Variants in COL24A1 observed in about 807,000 individuals in gnomAD.
COL24A1 encodes the protein collagen alpha-1(XXIV) chain.
Under a neutral mutation model 253.9 loss-of-function variants are expected in COL24A1, and 224 were observed. That is an observed-to-expected ratio of 0.88 (90% CI 0.79 to 0.99). The LOEUF (loss-of-function observed/expected upper bound fraction) is 0.99. Among genes scored for constraint, COL24A1 ranks in the 50% least tolerant of loss-of-function variants. The probability of loss-of-function intolerance (pLI) is 0.00; values close to 1 mark genes in which losing one functional copy is unlikely to be tolerated. For missense variants in COL24A1, 2,131 were observed against 2,068.5 expected (o/e 1.03, Z -0.59); for synonymous variants, 685 against 673.7 (o/e 1.02, Z -0.26).
intron 1 of COL24A1, among the ~76,000 whole-genome samples, chr1:86,152,020 G>T (rs1652843264): frequency 6.6e-6 from 1 of 152,172 alleles, no homozygotes; most frequent in South Asian, 2.1e-4. Flanking sequence ...CAGCTTTACA[G>T]ATTTTGCTCT....
Position 85,863,975 on chromosome 1 carries a change from T to C in COL24A1, c.3300+4544A>G, listed in dbSNP as rs143481854. On this transcript the variant is annotated intron_variant, in intron 37 of 59. Coordinates refer to ENST00000370571, the MANE Select transcript of COL24A1 (RefSeq NM_152890.7). ...GTGGGACTGTAACCTAGTTCAACAATTGTGGAAATCAGTGTGGCGATTCCT... is the reference window on the plus strand; with the variant it reads ...GTGGGACTGTAACCTAGTTCAACAACTGTGGAAATCAGTGTGGCGATTCCT... 6.1e-4 allele frequency among the ~76,000 whole-genome samples: 93 copies of C among 152,300 alleles called. No homozygotes were observed. In the East Asian group the frequency reaches 0.016, roughly 27 times the overall value.
rs1232944160 is a variant in COL24A1, at chr1:85,813,652, G to A, written c.3951+3136C>T. ...TGCAAGCTCCGCCTCCCGGGTTCACGCCATTCTCCTGCCTCAGCCTCCCAA... is the reference window on the plus strand; with the variant it reads ...TGCAAGCTCCGCCTCCCGGGTTCACACCATTCTCCTGCCTCAGCCTCCCAA... On this transcript the variant is annotated intron_variant, in intron 47 of 59. Coordinates refer to ENST00000370571, the MANE Select transcript of COL24A1 (RefSeq NM_152890.7). Among the ~76,000 whole-genome samples, 4 of 136,728 alleles carry A rather than the reference G, an allele frequency of 2.9e-5. No individual in the cohort carries two copies. The East Asian group carries it at 7.2e-4, about 25-fold the overall frequency. The allele number at this position is 136,728 out of a possible 152,430, so 89.7% of individuals were successfully genotyped here.
chr1:85,948,299 C>T (rs965031064), intron 24 of COL24A1, among the ~76,000 whole-genome samples: 11 of 151,554 alleles, frequency 7.3e-5, no homozygotes, highest in South Asian at 2.1e-4. Flanking sequence ...CCGAGGCGGG[C>T]GGATCACGAG....
chr1:85,819,826 AC>A (rs1315876261), intron 45 of COL24A1, among the ~76,000 whole-genome samples: 1 of 145,734 alleles, frequency 6.9e-6, no homozygotes, highest in African/African-American at 2.5e-5. Context: ...CCCTCATCCT[AC>A]CCTTGAGTCT....
chr1:86,043,880 T>C (rs533450890), intron 12 of COL24A1, among the ~76,000 whole-genome samples: 46 of 152,320 alleles, frequency 3.0e-4, no homozygotes, highest in African/African-American at 9.9e-4. Context: ...TTTTGACTTA[T>C]GCAAAACCAA....
chr1:85,983,631 A>G (rs1693451744), intron 20 of COL24A1, among the ~76,000 whole-genome samples: 1 of 151,860 alleles, frequency 6.6e-6, no homozygotes, highest in South Asian at 2.1e-4. Flanking sequence ...AGTTTTTATC[A>G]TTCCCATTTG....
chr1:85,995,433 G>T (rs967283365), intron 19 of COL24A1, among the ~76,000 whole-genome samples: 3 of 152,094 alleles, frequency 2.0e-5, no homozygotes, highest in African/African-American at 7.2e-5. Context: ...TACAAAGTTA[G>T]CTGGAAAGTC....
At chr1:85,757,940 A>T (rs1486672756) in intron 55 of COL24A1, among the ~76,000 whole-genome samples, 3 of 152,180 alleles carry the variant, frequency 2.0e-5, no homozygotes, top group Non-Finnish European at 2.9e-5. Context: ...GAAATCACTC[A>T]ATATTTACAA....
chr1:85,948,741 C>T (rs987459271), intron 24 of COL24A1, among the ~76,000 whole-genome samples: 1 of 151,412 alleles, frequency 6.6e-6, no homozygotes, highest in Non-Finnish European at 1.5e-5. Flanking sequence ...CATCCTGATA[C>T]CAAAACCTGG....
At chr1:85,868,660 A>G (rs1327424591) in intron 36 of COL24A1, 34 bp from the exon 37 acceptor site, 8 of 1,556,500 alleles carry the variant, frequency 5.1e-6, no homozygotes, top group Non-Finnish European at 7.1e-6. Flanking sequence ...CTATAAAGGA[A>G]TACAGTGAAA....
At chr1:86,113,670 C>G (rs1028487830) in intron 4 of COL24A1, among the ~76,000 whole-genome samples, 4 of 151,278 alleles carry the variant, frequency 2.6e-5, no homozygotes, top group Non-Finnish European at 5.9e-5. Flanking sequence ...CTCATCACTA[C>G]CAAAAATCAA....
rs770168939 is a variant in COL24A1, at chr1:85,896,064, C to A, written c.2834G>T (p.Gly945Val). The A allele has an allele frequency of 1.9e-6, 3 of 1,612,782 alleles. No individual in the cohort carries two copies. The South Asian group carries it at 3.3e-5, about 18-fold the overall frequency. ...TCTTTTTCCTTGATCTCCTTTTTCACCCTAACAAAGTATCAAAGCCAGGTG... is the reference window on the plus strand; with the variant it reads ...TCTTTTTCCTTGATCTCCTTTTTCAACCTAACAAAGTATCAAAGCCAGGTG... ...LGEQGIQGAK[G>V]EKGDQGKRGP... The change falls in exon 30 of 60, where the codon GGT (glycine) becomes GTT (valine). Residue 945 changes from glycine (G) to valine (V), a missense_variant and splice_region_variant. Coordinates refer to ENST00000370571, the MANE Select transcript of COL24A1 (RefSeq NM_152890.7).
intron 53 of COL24A1, among the ~76,000 whole-genome samples, chr1:85,766,097 G>T (rs1262891609): frequency 1.3e-5 from 2 of 152,034 alleles, no homozygotes; most frequent in Non-Finnish European, 2.9e-5. Context: ...TGGGTGCGGT[G>T]GCTTATGCCT....
intron 42 of COL24A1, 64 bp downstream of exon 42, chr1:85,841,158 G>T: frequency 8.9e-7 from 1 of 1,126,398 alleles, no homozygotes; most frequent in Non-Finnish European, 1.3e-6. Context: ...AATTGGTGTT[G>T]TGAATCTATT....
chr1:86,040,449 A>G (rs1195137372), intron 12 of COL24A1, among the ~76,000 whole-genome samples: 4 of 141,426 alleles, frequency 2.8e-5, no homozygotes, highest in East Asian at 2.2e-4. Flanking sequence ...ATATCTCCCA[A>G]TGCTATCCCT....
chr1:85,857,801 G>T (rs1465221286), intron 37 of COL24A1, among the ~76,000 whole-genome samples: 2 of 152,118 alleles, frequency 1.3e-5, no homozygotes, highest in Non-Finnish European at 2.9e-5. Context: ...CTCTTTGCCT[G>T]CTGCCATCCC....
At chr1:85,828,745 C>A in intron 43 of COL24A1, among the ~76,000 whole-genome samples, 1 of 123,718 alleles carries the variant, frequency 8.1e-6, no homozygotes, top group Non-Finnish European at 1.8e-5. Flanking sequence ...ACGATTGCAA[C>A]CCCTGCCTTT....
chr1:85,938,137 T>C (rs1055807392), intron 24 of COL24A1, among the ~76,000 whole-genome samples: 3 of 147,528 alleles, frequency 2.0e-5, no homozygotes, highest in Non-Finnish European at 4.5e-5. Flanking sequence ...GGATGAAGTA[T>C]ATACACTGAC....
intron 43 of COL24A1, among the ~76,000 whole-genome samples, chr1:85,830,907 T>C (rs1675179709): frequency 6.6e-6 from 1 of 152,258 alleles, no homozygotes; most frequent in East Asian, 1.9e-4. Flanking sequence ...CTGGGAGCTG[T>C]AGACCGGAGC....
Sources: gnomAD v4.1 joint callset for allele counts (sites outside exome capture counted in the v4.1 genomes callset) on GRCh38, gnomAD v4.1.1 for gene constraint, MANE v1.5 for transcripts, NCBI Gene and HGNC (gene_info 2026-07-23, HGNC 2026-07-21) for gene names.